CR1L: variants seen among roughly 807,000 people sequenced by gnomAD.
CR1L encodes complement component receptor 1-like protein.
In CR1L, 59 loss-of-function variants were observed where a neutral mutation model predicts 62.3. That is an observed-to-expected ratio of 0.95 (90% confidence interval 0.77 to 1.18). The LOEUF is 1.18. Among genes scored for constraint, CR1L ranks in the 50% most tolerant of loss-of-function variants. CR1L has a pLI of 0.00. For missense variants in CR1L, 700 were observed against 702.8 expected, an observed-to-expected ratio of 1.00 and a Z score of 0.04; for synonymous variants, 279 against 248.7, an observed-to-expected ratio of 1.12 and a Z score of -1.15.
intron 4 of CR1L, among the ~76,000 whole-genome samples, chr1:207,689,634 T>A (rs1403923749): frequency 6.6e-6 from 1 of 152,072 alleles, no homozygotes; most frequent in Non-Finnish European, 1.5e-5. Context: ...TAAAATGTGT[T>A]AAAAATTGTT....
At chr1:207,652,345 GCTAATAGGATGTTA>G (rs1663235618) in intron 1 of CR1L, among the ~76,000 whole-genome samples, 1 of 152,184 alleles carries the variant, frequency 6.6e-6, no homozygotes, top group African/African-American at 2.4e-5. Flanking sequence ...CAAACCAAAA[GCTAATAGGATGTTA>G]CTTAAAACAT....
At chr1:207,707,783 A>G (rs1231930479) in intron 9 of CR1L, among the ~76,000 whole-genome samples, 1 of 57,982 alleles carries the variant, frequency 1.7e-5, no homozygotes, top group African/African-American at 7.8e-5. Context: ...ATGGCATAGT[A>G]TTACACACAC....
At chr1:207,700,480 C>G (rs1240116222) in intron 8 of CR1L, among the ~76,000 whole-genome samples, 1 of 152,126 alleles carries the variant, frequency 6.6e-6, no homozygotes, top group Non-Finnish European at 1.5e-5. Flanking sequence ...ATAAACAAAT[C>G]AGTAGATGCT....
chr1:207,682,116 G>T (rs2102460906), intron 3 of CR1L, among the ~76,000 whole-genome samples: 1 of 152,076 alleles, frequency 6.6e-6, no homozygotes, highest in East Asian at 1.9e-4. Context: ...TGCACATTCT[G>T]CACATGTACC....
intron 3 of CR1L, among the ~76,000 whole-genome samples, chr1:207,679,654 A>T (rs1208324442): frequency 6.6e-6 from 1 of 152,264 alleles, no homozygotes; most frequent in Non-Finnish European, 1.5e-5. Context: ...ACAGATGTTT[A>T]TAACAGCTTT....
intron 9 of CR1L, among the ~76,000 whole-genome samples, chr1:207,702,214 T>C (rs1002504937): frequency 5.9e-5 from 9 of 152,202 alleles, no homozygotes; most frequent in Non-Finnish European, 1.2e-4. Flanking sequence ...TAGTGATCTG[T>C]CTTCAGTGAT....
chr1:207,711,454 C>T (rs1324670464), intron 10 of CR1L: 1 of 154,350 alleles, frequency 6.5e-6, no homozygotes, highest in Non-Finnish European at 1.4e-5. Flanking sequence ...ACAGCAGCAA[C>T]AGGCAGATGG....
intron 5 of CR1L, among the ~76,000 whole-genome samples, chr1:207,695,389 C>G (rs970337298): frequency 6.6e-6 from 1 of 152,184 alleles, no homozygotes; most frequent in African/African-American, 2.4e-5. Flanking sequence ...CTGGGCCTCC[C>G]AAAGTGCTGA....
chr1:207,663,982 T>TTTATTC (rs1210438441), intron 1 of CR1L, among the ~76,000 whole-genome samples: 1 of 144,066 alleles, frequency 6.9e-6, no homozygotes, highest in African/African-American at 3.0e-5. Flanking sequence ...AATGTTATTC[T>TTTATTC]TTTTTTCTCT....
At chr1:207,656,946 T>A (rs1339548029) in intron 1 of CR1L, among the ~76,000 whole-genome samples, 1 of 152,230 alleles carries the variant, frequency 6.6e-6, no homozygotes, top group Non-Finnish European at 1.5e-5. Context: ...AGTTACTACA[T>A]TAATGGTTTG....
At chr1:207,670,740 G>A (rs1379962051) in intron 1 of CR1L, among the ~76,000 whole-genome samples, 1 of 151,180 alleles carries the variant, frequency 6.6e-6, no homozygotes, top group Admixed American at 6.6e-5. Flanking sequence ...AAAGTAACCT[G>A]TCTAGTGAAG....
intron 3 of CR1L, among the ~76,000 whole-genome samples, chr1:207,682,776 T>C (rs1233453438): frequency 2.0e-5 from 3 of 152,210 alleles, no homozygotes; most frequent in Admixed American, 2.0e-4. Context: ...CCCAACCATC[T>C]ATCACAACAG....
chr1:207,717,435 G>T (rs748939132), intron 10 of CR1L, 29 bp from the exon 11 acceptor site: 2 of 1,605,914 alleles, frequency 1.2e-6, no homozygotes, highest in South Asian at 2.2e-5. Flanking sequence ...AACTCTAATA[G>T]AACTTAAAAG....
chr1:207,694,119 T>C (rs1664034459), intron 4 of CR1L, among the ~76,000 whole-genome samples: 1 of 152,136 alleles, frequency 6.6e-6, no homozygotes, highest in African/African-American at 2.4e-5. Flanking sequence ...CTATTTAAAA[T>C]GAAAAGAATG....
chr1:207,719,361 C>T (rs114280761), intron 11 of CR1L, among the ~76,000 whole-genome samples: 233 of 150,672 alleles, frequency 1.5e-3, no homozygotes, highest in African/African-American at 5.4e-3. Context: ...TGTTATCTTA[C>T]AGGTAGCAGT....
At chr1:207,668,570 A>G (rs1285236919) in intron 1 of CR1L, among the ~76,000 whole-genome samples, 1 of 150,966 alleles carries the variant, frequency 6.6e-6, no homozygotes, top group Non-Finnish European at 1.5e-5. Context: ...AGGGTCACAG[A>G]TACATAAGAA....
rs200802570 is a variant in CR1L, at chr1:207,717,616, C to T, written c.1567C>T (p.Arg523Cys). The T allele has an allele frequency of 1.2e-4, 192 of 1,613,934 alleles. No individual in the cohort carries two copies. The African/African-American group carries it at 1.5e-3, about 13-fold the overall frequency. The change falls in exon 11 of 12, where the codon CGC becomes TGC. Residue 523 changes from arginine to cysteine, a missense_variant. Transcript: ENST00000508064. ...CAACCTCATTGGGGAGAGCACCATCCGCCGCACAAGTGAACCTCATGGGAA... is the reference window on the plus strand; with the variant it reads ...CAACCTCATTGGGGAGAGCACCATCTGCCGCACAAGTGAACCTCATGGGAA... ...TFNLIGESTI[R>C]RTSEPHGNGV...
intron 10 of CR1L, among the ~76,000 whole-genome samples, chr1:207,714,687 G>C (rs1653947360): frequency 6.6e-6 from 1 of 152,112 alleles, no homozygotes; most frequent in Non-Finnish European, 1.5e-5. Flanking sequence ...ACCTAATAAT[G>C]ATTTCCAATT....
intron 1 of CR1L, among the ~76,000 whole-genome samples, chr1:207,645,688 A>T (rs2102434379): frequency 6.6e-6 from 1 of 152,114 alleles, no homozygotes; most frequent in South Asian, 2.1e-4. Flanking sequence ...GGTGCGTGGG[A>T]TTGTTGCTAG....
Sources: gnomAD v4.1 joint callset for allele counts (sites outside exome capture counted in the v4.1 genomes callset) on GRCh38, gnomAD v4.1.1 for gene constraint, MANE v1.5 for transcripts, NCBI Gene and HGNC (gene_info 2026-07-23, HGNC 2026-07-21) for gene names.